Variants in SEPTIN7 observed in about 807,000 individuals in gnomAD.
SEPTIN7 encodes the protein septin 7, also known as septin-7.
Under a neutral mutation model 63.3 loss-of-function variants are expected in SEPTIN7, and 10 were observed. The observed-to-expected ratio is 0.16, with a 90% CI of 0.10 to 0.27. The LOEUF (loss-of-function observed/expected upper bound fraction) is 0.27. SEPTIN7 is among the 10% of genes least tolerant of loss of function. The pLI is 1.00. For missense variants in SEPTIN7, 310 were observed against 521.0 expected (o/e 0.59, Z 3.94); for synonymous variants, 131 against 165.3 (o/e 0.79, Z 1.59).
intron 3 of SEPTIN7, among the ~76,000 whole-genome samples, chr7:35,842,979 C>T (rs1477299366): frequency 6.6e-6 from 1 of 152,034 alleles, no homozygotes; most frequent in African/African-American, 2.4e-5. Flanking sequence ...TATAAGTGCA[C>T]ACTTAAATCT....
the SEPTIN7 span, among the ~76,000 whole-genome samples, chr7:35,912,658 G>A: frequency 9.9e-5 from 15 of 152,124 alleles, no homozygotes; most frequent in East Asian, 1.9e-4. Flanking sequence ...CAGGTACAGC[G>A]GACCTTCCTG....
chr7:35,900,636 G>C (rs1788268588), intron 12 of SEPTIN7: 1 of 152,158 alleles, frequency 6.6e-6, no homozygotes, highest in Non-Finnish European at 1.5e-5. Context: ...TCCACACTTA[G>C]ATTCCATTGA....
chr7:35,825,425 T>G (rs1207736122), intron 1 of SEPTIN7, among the ~76,000 whole-genome samples: 1 of 152,154 alleles, frequency 6.6e-6, no homozygotes, highest in Admixed American at 6.5e-5. Flanking sequence ...CTCAACTGAC[T>G]GAGACCCATA....
chr7:35,836,175 AG>A (rs1562535081), intron 3 of SEPTIN7, among the ~76,000 whole-genome samples: 1 of 152,200 alleles, frequency 6.6e-6, no homozygotes, highest in Non-Finnish European at 1.5e-5. Context: ...GAAGACATGT[AG>A]ATCTCTATTC....
At chr7:35,861,269 A>G (rs1785492643) in intron 3 of SEPTIN7, among the ~76,000 whole-genome samples, 1 of 152,178 alleles carries the variant, frequency 6.6e-6, no homozygotes. Flanking sequence ...TCTGTCTAAT[A>G]AATCTAATAT....
chr7:35,806,201 T>A (rs1414476298), intron 1 of SEPTIN7, among the ~76,000 whole-genome samples: 1 of 152,260 alleles, frequency 6.6e-6, no homozygotes, highest in East Asian at 1.9e-4. Context: ...ACAAGCTTCC[T>A]TAACTGTCTT....
intron 1 of SEPTIN7, among the ~76,000 whole-genome samples, chr7:35,822,003 G>A (rs565867124): frequency 3.9e-5 from 6 of 152,062 alleles, no homozygotes; most frequent in African/African-American, 9.7e-5. Context: ...ACTCCTGACC[G>A]ACCTCAGATG....
At chr7:35,863,055 T>A (rs533052579) in intron 3 of SEPTIN7, among the ~76,000 whole-genome samples, 1 of 152,246 alleles carries the variant, frequency 6.6e-6, no homozygotes, top group South Asian at 2.1e-4. Context: ...GATGGGTGGC[T>A]GAATTAGAAA....
chr7:35,820,065 C>G (rs1432907297), intron 1 of SEPTIN7, among the ~76,000 whole-genome samples: 2 of 151,612 alleles, frequency 1.3e-5, no homozygotes, highest in Non-Finnish European at 2.9e-5. Context: ...GGTTGACAGT[C>G]TTTTTCTTTC....
At chr7:35,882,368 A>T in intron 7 of SEPTIN7, 116 bp from the exon 8 acceptor site, 1 of 702,822 alleles carries the variant, frequency 1.4e-6, no homozygotes, top group Non-Finnish European at 2.0e-6. Flanking sequence ...ATTAAAAAAC[A>T]GTAAAGGATC....
intron 3 of SEPTIN7, among the ~76,000 whole-genome samples, chr7:35,838,953 G>A (rs1373479738): frequency 6.6e-6 from 1 of 151,922 alleles, no homozygotes; most frequent in Non-Finnish European, 1.5e-5. Flanking sequence ...CTTACCCTTT[G>A]GTTTAGTTCA....
chr7:35,886,080 G>A (rs1583625039), intron 10 of SEPTIN7, among the ~76,000 whole-genome samples: 1 of 152,166 alleles, frequency 6.6e-6, no homozygotes, highest in East Asian at 1.9e-4. Context: ...AATTTGTCTA[G>A]GGATACATAG....
At chr7:35,913,217 TG>T in the SEPTIN7 span, among the ~76,000 whole-genome samples, 1 of 152,188 alleles carries the variant, frequency 6.6e-6, no homozygotes, top group Non-Finnish European at 1.5e-5. Context: ...CCTCGTATGC[TG>T]GGATCTGCCA....
At chr7:35,894,669 T>G (rs1787855638) in intron 11 of SEPTIN7, among the ~76,000 whole-genome samples, 1 of 152,222 alleles carries the variant, frequency 6.6e-6, no homozygotes, top group African/African-American at 2.4e-5. Context: ...AAATTTTTAT[T>G]GAACTTTGAA....
At chr7:35,902,103 A>T (rs1788358069) in intron 12 of SEPTIN7, 1 of 151,118 alleles carries the variant, frequency 6.6e-6, no homozygotes, top group Non-Finnish European at 1.5e-5. Flanking sequence ...ATGTTAACTC[A>T]CCAGTGTAGT....
At position 35,898,302 on chromosome 7, in the gene SEPTIN7, G is replaced by A. The variant is rs1471480645; in HGVS notation, c.1053G>A (p.Lys351=). 6.4e-7 allele frequency: 1 copy of A among 1,551,212 alleles called. No homozygotes were observed. Among genetic ancestry groups the A allele is most frequent in the Admixed American group, 2.0e-5 (1 of 51,180 alleles). ...EERREHVAKM[K]KMEMEMEQVF... ...GAAGGGAGCATGTAGCTAAAATGAA[G>A]AAGATGGAGATGGAGATGGAGCAGG... is the stretch of plus-strand genomic sequence containing the variant. The change falls in exon 12 of 14, where the codon AAG becomes AAA. Residue 351 remains lysine, a synonymous_variant. Transcript: ENST00000350320.
intron 3 of SEPTIN7, among the ~76,000 whole-genome samples, 167 bp from the exon 4 acceptor site, chr7:35,863,385 G>A (rs562906708): frequency 6.6e-6 from 1 of 152,214 alleles, no homozygotes; most frequent in Admixed American, 6.5e-5. Flanking sequence ...TGATAGCTAA[G>A]CAACTGAGGA....
At chr7:35,807,563 C>T (rs1788432577) in intron 1 of SEPTIN7, among the ~76,000 whole-genome samples, 1 of 152,058 alleles carries the variant, frequency 6.6e-6, no homozygotes, top group Admixed American at 6.5e-5. Flanking sequence ...CGGGGTTTCA[C>T]TGTGTTAGCC....
chr7:35,872,025 C>CT (rs1448939773), intron 4 of SEPTIN7, among the ~76,000 whole-genome samples: 3 of 152,074 alleles, frequency 2.0e-5, no homozygotes, highest in South Asian at 2.1e-4. Context: ...CCAGAATACA[C>CT]TTTTTTTTAA....
Sources: allele counts gnomAD v4.1 joint callset (sites outside exome capture counted in the v4.1 genomes callset), GRCh38; gene constraint gnomAD v4.1.1; transcripts MANE v1.5; gene names NCBI Gene and HGNC (gene_info 2026-07-23, HGNC 2026-07-21).